Variants in SFTPD observed in about 807,000 individuals in gnomAD.
The protein encoded by SFTPD is surfactant protein D.
SFTPD carries 18 observed loss-of-function variants against 34.6 expected under a neutral mutation model. The observed-to-expected ratio is 0.52, with a 90% confidence interval of 0.36 to 0.77. The LOEUF (loss-of-function observed/expected upper bound fraction) is 0.77, where lower values mean the gene tolerates loss of function less well. Ranked by LOEUF, SFTPD falls within the 30% of genes least tolerant of loss-of-function variation. SFTPD has a pLI of 0.00. For synonymous variants in SFTPD, 155 were observed against 180.9 expected (o/e 0.86, Z 1.15); for missense variants, 433 against 468.9 (o/e 0.92, Z 0.71).
chr10:79,962,084 G>A (rs1013752117), intron 1 of SFTPD, among the ~76,000 whole-genome samples: 18 of 137,796 alleles, frequency 1.3e-4, no homozygotes, highest in African/African-American at 4.9e-4. Context: ...TCATAGGTGG[G>A]AATTGAACAA....
At chr10:79,980,567 G>A (rs902063576) in intron 1 of SFTPD, among the ~76,000 whole-genome samples, 2 of 152,214 alleles carry the variant, frequency 1.3e-5, no homozygotes, top group South Asian at 4.1e-4. Flanking sequence ...AGCAGTGATG[G>A]CTATGGGAGT....
At chr10:79,942,693 T>C in intron 3 of SFTPD, 70 bp downstream of exon 3, 1 of 1,128,094 alleles carries the variant, frequency 8.9e-7, no homozygotes, top group Non-Finnish European at 1.4e-6. Context: ...GCTCTGTGCG[T>C]GCCCACTGGC....
chr10:79,960,261 T>C (rs1233568748), intron 1 of SFTPD, among the ~76,000 whole-genome samples: 2 of 139,910 alleles, frequency 1.4e-5, no homozygotes, highest in Non-Finnish European at 1.6e-5. Context: ...CTCTCACCAC[T>C]CCTATTCAAC....
chr10:79,982,187 C>T, intron 1 of SFTPD: 1 of 462,196 alleles, frequency 2.2e-6, no homozygotes, highest in Non-Finnish European at 3.5e-6. Flanking sequence ...GCAGAGGAGC[C>T]GCACGCGCAC....
At chr10:79,964,737 C>G (rs988580402) in intron 1 of SFTPD, among the ~76,000 whole-genome samples, 3 of 152,218 alleles carry the variant, frequency 2.0e-5, no homozygotes, top group Admixed American at 1.3e-4. Flanking sequence ...AGGCCCCGCT[C>G]CCTTCCCTAC....
Position 79,959,811 on chromosome 10 carries a change from T to C in SFTPD, c.37-13149A>G, listed in dbSNP as rs867688703. ...CTCATTTTATGAGGCCAGCATCATC[T>C]TGATACCAAAGCCTGGCAGAAACAC... On this transcript the variant is annotated intron_variant, in intron 1 of 5. Coordinates refer to the SFTPD transcript ENST00000444384. Among the ~76,000 whole-genome samples, 6 of 152,030 alleles carry C rather than the reference T, an allele frequency of 3.9e-5. No individual in the cohort carries two copies. In the South Asian group the frequency reaches 1.2e-3, roughly 32 times the overall value.
Position 79,946,511 on chromosome 10 carries a change from C to A in SFTPD, c.149G>T (p.Arg50Leu). The A allele has an allele frequency of 6.2e-7, 1 of 1,614,170 alleles. No homozygotes were observed. The highest frequency in any genetic ancestry group is 8.5e-7 in the Non-Finnish European group (1 of 1,180,024). Reference protein sequence around the residue: ...CSSVESGLPGRDGRDGREGPR... With the variant: ...CSSVESGLPGLDGRDGREGPR... ...GCCCTCTCTCCCATCCCGTCCATCG[C>A]GACCAGGCAGGCCACTCTCCACTGA... The change falls in exon 2 of 8, where the codon CGC becomes CTC. Residue 50 changes from arginine to leucine, a missense_variant. Arg to Leu is a moderately radical substitution (Grantham distance 102). Transcript: ENST00000372292.
intron 1 of SFTPD, among the ~76,000 whole-genome samples, chr10:79,975,152 C>G (rs751643489): frequency 3.3e-5 from 5 of 152,160 alleles, no homozygotes; most frequent in Non-Finnish European, 5.9e-5. Context: ...AGCAGTCGCT[C>G]TAGGTGCTGC....
intron 1 of SFTPD, chr10:79,969,052 T>C (rs1224768083): frequency 6.6e-6 from 1 of 152,196 alleles, no homozygotes; most frequent in Non-Finnish European, 1.5e-5. Flanking sequence ...AAATTCTGGA[T>C]ATAAGGCCGG....
chr10:79,972,927 T>C (rs1001627237), intron 1 of SFTPD: 2 of 152,198 alleles, frequency 1.3e-5, no homozygotes, highest in African/African-American at 4.8e-5. Context: ...ATCCTAGCTC[T>C]GAGAGTTCCA....
At position 79,958,601 on chromosome 10, in the gene SFTPD, A is replaced by G. The variant is rs531377089; in HGVS notation, c.37-11939T>C. Among the ~76,000 whole-genome samples, 42 of 152,358 alleles carry G rather than the reference A, an allele frequency of 2.8e-4. 1 individual carries two copies. In the East Asian group the frequency reaches 7.7e-3, roughly 28 times the overall value. The stretch of plus-strand genomic sequence containing the variant: ...TTCAACAAGAAGAGCTAACTATCCT[A>G]AATATATACGCACCCAATACAGGAG... On this transcript the variant is annotated intron_variant, in intron 1 of 5. Transcript: ENST00000444384.
Position 79,942,867 on chromosome 10 carries a change from G to C in SFTPD, c.212C>G (p.Ala71Gly), listed in dbSNP as rs1319964086. 6.2e-7 allele frequency: 1 copy of C among 1,612,616 alleles called. No homozygotes were observed. The highest frequency in any genetic ancestry group is 8.5e-7 in the Non-Finnish European group (1 of 1,178,622). ...GEKGDPGLPG[A>G]AGQAGMPGQA... ...TCCAGGCATCCCTGCTTGCCCTGCA[G>C]CTCCTGGCAAACCTGTAGCAGCAGA... Residue 71 changes from alanine to glycine, a missense_variant, in exon 3 of 8, where the codon GCT (alanine) becomes GGT (glycine). Physicochemically the swap from Ala to Gly is moderately conservative, Grantham distance 60 (BLOSUM62 0). Transcript: ENST00000372292.
intron 1 of SFTPD, chr10:79,981,848 C>A: frequency 4.3e-6 from 1 of 231,000 alleles, no homozygotes; most frequent in South Asian, 4.5e-5. Context: ...CATGGCGCAC[C>A]AGAACCTAAA....
intron 1 of SFTPD, among the ~76,000 whole-genome samples, chr10:79,960,359 CT>C: frequency 6.6e-6 from 1 of 151,548 alleles, no homozygotes; most frequent in East Asian, 1.9e-4. Context: ...CAAATTGTCC[CT>C]GTTTGCAGAT....
chr10:79,946,332 G>A, intron 2 of SFTPD, 129 bp downstream of exon 2: 2 of 726,472 alleles, frequency 2.8e-6, no homozygotes, highest in South Asian at 3.4e-5. Flanking sequence ...GAGCAGTGTG[G>A]AACTCGCCTT....
upstream of SFTPD, among the ~76,000 whole-genome samples, chr10:79,951,951 A>C (rs1245998499): frequency 6.6e-6 from 1 of 152,172 alleles, no homozygotes; most frequent in Admixed American, 6.5e-5. Context: ...AGTGGGAAGG[A>C]GTATACCAGC....
intron 1 of SFTPD, among the ~76,000 whole-genome samples, chr10:79,963,103 GA>G (rs952743285): frequency 6.6e-6 from 1 of 152,056 alleles, no homozygotes; most frequent in Non-Finnish European, 1.5e-5. Flanking sequence ...AGCATTTTGG[GA>G]GTCTGAAGTG....
At chr10:79,952,737 C>CAG (rs10672181), upstream of SFTPD, among the ~76,000 whole-genome samples, 49,752 of 152,044 alleles carry the variant, frequency 0.33, 9,409 homozygotes, top group Non-Finnish European at 0.41. Context: ...TTGGGAAGAA[C>CAG]AGACCCACAA....
intron 7 of SFTPD, among the ~76,000 whole-genome samples, chr10:79,940,149 A>G (rs982307615): frequency 2.0e-5 from 3 of 152,170 alleles, no homozygotes; most frequent in Non-Finnish European, 2.9e-5. Flanking sequence ...TAGTTCCCAG[A>G]ACAGTATCTG....
Sources: gnomAD v4.1 joint callset for allele counts (sites outside exome capture counted in the v4.1 genomes callset) on GRCh38, gnomAD v4.1.1 for gene constraint, MANE v1.5 for transcripts, NCBI Gene and HGNC (gene_info 2026-07-23, HGNC 2026-07-21) for gene names.